Variants in PLA2G10 observed in about 807,000 individuals in gnomAD.
The protein encoded by PLA2G10 is phospholipase A2 group X.
Under a neutral mutation model 7.9 loss-of-function variants are expected in PLA2G10, and 9 were observed. That is an observed-to-expected ratio of 1.14 (90% CI 0.68 to 1.98). PLA2G10 has a LOEUF of 1.98. PLA2G10 is among the 30% of genes most tolerant of loss of function. The pLI, the probability that PLA2G10 is intolerant of heterozygous loss-of-function variation, is 0.00. For synonymous variants in PLA2G10, 19 were observed against 27.5 expected (o/e 0.69, Z 0.97); for missense variants, 53 against 65.4 (o/e 0.81, Z 0.66).
intron 3 of PLA2G10, among the ~76,000 whole-genome samples, chr16:14,680,474 TGGAC>T (rs1960859976): frequency 6.6e-6 from 1 of 152,120 alleles, no homozygotes; most frequent in African/African-American, 2.4e-5. Context: ...CACTGCAGCC[TGGAC>T]CTCCTGAGCT....
intron 3 of PLA2G10, among the ~76,000 whole-genome samples, chr16:14,684,525 G>T (rs1960995063): frequency 6.6e-6 from 1 of 151,954 alleles, no homozygotes; most frequent in East Asian, 1.9e-4. Flanking sequence ...AATTAGCTGG[G>T]CGTGGTGGCG....
At chr16:14,681,539 T>G (rs929144393) in intron 3 of PLA2G10, among the ~76,000 whole-genome samples, 1 of 151,958 alleles carries the variant, frequency 6.6e-6, no homozygotes, top group African/African-American at 2.4e-5. Context: ...GAATAAAAAT[T>G]TGAAAGGAAG....
chr16:14,675,513 G>C (rs945971410), intron 3 of PLA2G10, among the ~76,000 whole-genome samples: 1 of 152,072 alleles, frequency 6.6e-6, no homozygotes, highest in African/African-American at 2.4e-5. Context: ...AGCAAAAGAA[G>C]TAATCATCAG....
At chr16:14,675,932 CA>C (rs59516741) in intron 3 of PLA2G10, among the ~76,000 whole-genome samples, 11,226 of 46,724 alleles carry the variant, frequency 0.24, 359 homozygotes, top group South Asian at 0.37. Context: ...GAGCAAGACT[CA>C]AAAAAAAAAA....
At chr16:14,673,016 C>CTTTTTTTTTT (rs1293093227) in intron 3 of PLA2G10, among the ~76,000 whole-genome samples, 3 of 128,564 alleles carry the variant, frequency 2.3e-5, no homozygotes, top group Non-Finnish European at 3.3e-5. Context: ...TTTTTCTTTT[C>CTTTTTTTTTT]TTTTTTTTTT....
intron 3 of PLA2G10, among the ~76,000 whole-genome samples, chr16:14,679,427 C>T (rs558501087): frequency 6.6e-6 from 1 of 151,830 alleles, no homozygotes; most frequent in South Asian, 2.1e-4. Context: ...TTTGGGAGGC[C>T]GAGGCGGGCA....
intron 3 of PLA2G10, among the ~76,000 whole-genome samples, chr16:14,687,669 T>G (rs567589449): frequency 5.7e-4 from 87 of 152,014 alleles, no homozygotes; most frequent in East Asian, 3.1e-3. Flanking sequence ...GGTTTCTTCA[T>G]GGTTTTCTTT....
intron 3 of PLA2G10, among the ~76,000 whole-genome samples, chr16:14,684,698 T>G: frequency 6.6e-6 from 1 of 152,052 alleles, no homozygotes; most frequent in Non-Finnish European, 1.5e-5. Flanking sequence ...GCCACACACC[T>G]ATAGTCTCAG....
chr16:14,681,838 T>C (rs1212475773), intron 3 of PLA2G10, among the ~76,000 whole-genome samples: 1 of 151,624 alleles, frequency 6.6e-6, no homozygotes, highest in East Asian at 1.9e-4. Flanking sequence ...AATATCATTT[T>C]CACCTGGGTA....
intron 3 of PLA2G10, among the ~76,000 whole-genome samples, chr16:14,679,013 C>A (rs1019315707): frequency 6.6e-6 from 1 of 152,070 alleles, no homozygotes; most frequent in Non-Finnish European, 1.5e-5. Flanking sequence ...TGCATCACCT[C>A]CACGTGGCTG....
At chr16:14,681,200 G>C (rs924613246) in intron 3 of PLA2G10, among the ~76,000 whole-genome samples, 3 of 151,124 alleles carry the variant, frequency 2.0e-5, no homozygotes, top group African/African-American at 7.3e-5. Context: ...AAAAGGGGGA[G>C]GGGGGAGAGA....
intron 3 of PLA2G10, among the ~76,000 whole-genome samples, chr16:14,685,450 G>A (rs766856865): frequency 6.6e-6 from 1 of 151,742 alleles, no homozygotes; most frequent in South Asian, 2.1e-4. Flanking sequence ...CATAGTGTAT[G>A]ATTCTATTTA....
intron 3 of PLA2G10, among the ~76,000 whole-genome samples, chr16:14,683,365 T>C (rs1960947850): frequency 6.6e-6 from 1 of 151,640 alleles, no homozygotes; most frequent in Admixed American, 6.6e-5. Context: ...CCTGAGTAGC[T>C]GGGACTACAG....
chr16:14,683,237 T>G (rs956670440), intron 3 of PLA2G10, among the ~76,000 whole-genome samples: 2 of 139,568 alleles, frequency 1.4e-5, no homozygotes, highest in African/African-American at 5.2e-5. Flanking sequence ...TCTTTTTTTG[T>G]TTTTTTTTTT....
In PLA2G10 at chr16:14,672,886, A is replaced by C. The variant is rs1399946715; in HGVS notation, c.356-137T>G. 3 of 739,720 alleles carry C rather than the reference A, an allele frequency of 4.1e-6. No homozygotes were observed. In the East Asian group the frequency reaches 7.4e-5, roughly 18 times the overall value. The allele number at this position is 739,720 out of a possible 1,614,324, so 45.8% of individuals were successfully genotyped here. On this transcript the variant is annotated intron_variant, in intron 3 of 3. Coordinates refer to ENST00000438167, the MANE Select transcript of PLA2G10 (RefSeq NM_003561.3). ...AGCCCACCACGTGATCTCCATCTGC[A>C]GGGCTCCCCAGGAAGCAGGTGATGT...
chr16:14,687,388 A>G (rs1287782013), intron 3 of PLA2G10, among the ~76,000 whole-genome samples: 8 of 141,650 alleles, frequency 5.6e-5, no homozygotes, highest in African/African-American at 1.3e-4. Flanking sequence ...GAGTGCTGTG[A>G]CTCGATCACA....
chr16:14,684,992 T>C (rs1424940708), intron 3 of PLA2G10, among the ~76,000 whole-genome samples: 1 of 152,202 alleles, frequency 6.6e-6, no homozygotes, highest in Non-Finnish European at 1.5e-5. Flanking sequence ...CATCATTGAA[T>C]GAATGGATAA....
chr16:14,677,361 G>T (rs1202812855), intron 3 of PLA2G10, among the ~76,000 whole-genome samples: 1 of 151,998 alleles, frequency 6.6e-6, no homozygotes, highest in Non-Finnish European at 1.5e-5. Context: ...CATCTATCTA[G>T]TTCTAAAACT....
chr16:14,679,522 T>C (rs537599772), intron 3 of PLA2G10, among the ~76,000 whole-genome samples: 24 of 152,032 alleles, frequency 1.6e-4, no homozygotes, highest in African/African-American at 5.5e-4. Context: ...TAGCCAGGTG[T>C]GGTGGCACAT....
Sources: allele counts gnomAD v4.1 joint callset (sites outside exome capture counted in the v4.1 genomes callset), GRCh38; gene constraint gnomAD v4.1.1; transcripts MANE v1.5; gene names NCBI Gene and HGNC (gene_info 2026-07-23, HGNC 2026-07-21).